HPRT1: variants seen among roughly 807,000 people sequenced by gnomAD.
HPRT1 encodes the protein hypoxanthine phosphoribosyltransferase 1.
A neutral mutation model predicts 19.0 loss-of-function variants in HPRT1; 4 were observed. The observed-to-expected ratio is 0.21, with a 90% CI of 0.10 to 0.48. The LOEUF is 0.48. Ranked by LOEUF, HPRT1 falls within the 20% of genes least tolerant of loss-of-function variation. The pLI, the probability that HPRT1 is intolerant of heterozygous loss-of-function variation, is 0.98. For synonymous variants in HPRT1, 53 were observed against 54.9 expected (o/e 0.97, Z 0.15); for missense variants, 65 against 164.0 (o/e 0.40, Z 3.30).
chrX:134,472,907 A>G (rs1326486550), intron 1 of HPRT1, among the ~76,000 whole-genome samples: 1 of 102,671 alleles, frequency 9.7e-6, no homozygotes, highest in Non-Finnish European at 2.0e-5. Context: ...GTTTTTTTTG[A>G]GACAGAGTCT....
At chrX:134,470,568 C>T (rs2077608009) in intron 1 of HPRT1, among the ~76,000 whole-genome samples, 1 of 111,183 alleles carries the variant, frequency 9.0e-6, no homozygotes, top group African/African-American at 3.3e-5. Context: ...ATGGTTTGAC[C>T]AATATTTATT....
At chrX:134,470,307 A>C (rs768211179) in intron 1 of HPRT1, among the ~76,000 whole-genome samples, 113 of 111,987 alleles carry the variant, frequency 1.0e-3, no homozygotes, top group Non-Finnish European at 1.8e-3. Context: ...ACCTGACAAT[A>C]CATGAAGTTC....
At chrX:134,480,454 G>T (rs745679735) in intron 3 of HPRT1, among the ~76,000 whole-genome samples, 1,493 of 99,604 alleles carry the variant, frequency 0.015, 32 homozygotes, top group African/African-American at 0.052. Flanking sequence ...AATTAGAAAT[G>T]TTTTTTTTTT....
intron 6 of HPRT1, among the ~76,000 whole-genome samples, chrX:134,497,941 C>T (rs113060206): frequency 0.016 from 1,698 of 108,382 alleles, 36 homozygotes; most frequent in African/African-American, 0.054. Flanking sequence ...AGCGAGATTC[C>T]GTCTAAAAAA....
chrX:134,498,066 T>C (rs373945068), intron 6 of HPRT1, among the ~76,000 whole-genome samples: 1 of 112,534 alleles, frequency 8.9e-6, no homozygotes, highest in African/African-American at 3.2e-5. Flanking sequence ...TCTTTGCTCA[T>C]TGACACTCTG....
chrX:134,488,003 C>G (rs2077657926), intron 4 of HPRT1, among the ~76,000 whole-genome samples: 1 of 110,963 alleles, frequency 9.0e-6, no homozygotes, highest in South Asian at 3.8e-4. Context: ...TTCTCTGTTT[C>G]TAAAATAACT....
At chrX:134,484,335 T>C (rs1462073983) in intron 3 of HPRT1, among the ~76,000 whole-genome samples, 3 of 112,051 alleles carry the variant, frequency 2.7e-5, no homozygotes, top group Non-Finnish European at 5.6e-5. Flanking sequence ...TTCTTTTTTT[T>C]CCCCATCAAT....
intron 3 of HPRT1, among the ~76,000 whole-genome samples, chrX:134,480,767 A>G (rs2077637193): frequency 1.1e-5 from 1 of 91,354 alleles, no homozygotes; most frequent in Non-Finnish European, 2.2e-5. Flanking sequence ...AACTTAAAAT[A>G]CACACACACA....
intron 8 of HPRT1, 23 bp downstream of exon 8, chrX:134,498,707 C>T: frequency 9.9e-7 from 1 of 1,014,217 alleles, no homozygotes; most frequent in Non-Finnish European, 1.4e-6. Flanking sequence ...TTCTTTTTCT[C>T]ACTCATTTTT....
At chrX:134,488,404 C>T (rs779101603) in intron 4 of HPRT1, among the ~76,000 whole-genome samples, 8 of 110,591 alleles carry the variant, frequency 7.2e-5, no homozygotes, top group East Asian at 2.8e-4. Context: ...CCCAAAGTAC[C>T]GGGATTACGG....
chrX:134,495,212 A>C (rs2124302988), intron 6 of HPRT1, among the ~76,000 whole-genome samples: 1 of 109,075 alleles, frequency 9.2e-6, no homozygotes, highest in East Asian at 2.9e-4. Context: ...AAAAAAAAAA[A>C]AAAAGAATGC....
At chrX:134,470,946 A>C (rs2077608982) in intron 1 of HPRT1, among the ~76,000 whole-genome samples, 1 of 109,075 alleles carries the variant, frequency 9.2e-6, no homozygotes, top group African/African-American at 3.3e-5. Flanking sequence ...TATTTAAAAA[A>C]AGTGTAGAAA....
chrX:134,485,020 T>C lies in HPRT1; in HGVS notation c.319-1445T>C, dbSNP rs144907655. 2.0e-3 allele frequency among the ~76,000 whole-genome samples: 225 copies of C among 111,771 alleles called. 5 individuals are homozygous for C. In the East Asian group the frequency reaches 0.053, roughly 26 times the overall value. On this transcript the variant is annotated intron_variant, in intron 3 of 8. Transcript: ENST00000298556. ...TATACTTGTCAGTGTTTTTGTAGCA[T>C]TGATTCCCAGAAGTGGGATTACTGG...
intron 3 of HPRT1, among the ~76,000 whole-genome samples, chrX:134,484,831 A>G (rs2077648751): frequency 1.8e-5 from 2 of 111,258 alleles, no homozygotes; most frequent in South Asian, 7.7e-4. Flanking sequence ...GATACAGTGA[A>G]CATTTATTTT....
At chrX:134,462,082 C>T (rs1425341537) in intron 1 of HPRT1, among the ~76,000 whole-genome samples, 1 of 111,779 alleles carries the variant, frequency 8.9e-6, no homozygotes, top group Non-Finnish European at 1.9e-5. Flanking sequence ...GTGATTCTCC[C>T]CAGGCTCAGG....
intron 8 of HPRT1, among the ~76,000 whole-genome samples, chrX:134,499,408 G>A (rs2077689378): frequency 9.0e-6 from 1 of 111,219 alleles, no homozygotes. Context: ...AACCCGGGAG[G>A]CAGAGGCTAC....
At chrX:134,470,475 C>A (rs1452996297) in intron 1 of HPRT1, among the ~76,000 whole-genome samples, 1 of 111,529 alleles carries the variant, frequency 9.0e-6, no homozygotes. Flanking sequence ...AGTCAAGCTG[C>A]TTGTATTTAA....
intron 3 of HPRT1, among the ~76,000 whole-genome samples, chrX:134,484,651 AAC>A (rs1235242329): frequency 8.9e-6 from 1 of 112,431 alleles, no homozygotes; most frequent in African/African-American, 3.2e-5. Flanking sequence ...TGTCATAGGC[AAC>A]ACAGTGTTCC....
chrX:134,460,273 C>G lies in HPRT1; in HGVS notation c.-39C>G, dbSNP rs2077579076. On this transcript the variant is annotated 5_prime_UTR_variant, in exon 1 of 9. Coordinates refer to ENST00000298556, the MANE Select transcript of HPRT1 (RefSeq NM_000194.3). ...TCCTCTGCTCCGCCACCGGCTTCCTCCTCCTGAGCAGTCAGCCCGCGCGCC... is the reference window on the plus strand; with the variant it reads ...TCCTCTGCTCCGCCACCGGCTTCCTGCTCCTGAGCAGTCAGCCCGCGCGCC... The G allele has an allele frequency of 1.3e-5, 15 of 1,119,407 alleles. No individual in the cohort carries two copies. Among genetic ancestry groups the G allele is most frequent in the Non-Finnish European group, 1.8e-5 (15 of 853,349 alleles). The allele number at this position is 1,119,407 out of a possible 1,213,427, so 92.3% of individuals were successfully genotyped here. A position where few individuals can be genotyped will look rare whatever the true frequency, so the allele number is the denominator to read the frequency against.
Sources: allele counts gnomAD v4.1 joint callset (sites outside exome capture counted in the v4.1 genomes callset), GRCh38; gene constraint gnomAD v4.1.1; transcripts MANE v1.5; gene names NCBI Gene and HGNC (gene_info 2026-07-23, HGNC 2026-07-21).